WAPL: variants seen among roughly 807,000 people sequenced by gnomAD.
WAPL encodes WAPL cohesin release factor.
WAPL carries 5 observed loss-of-function variants against 121.0 expected under a neutral mutation model. The observed-to-expected ratio is 0.04, with a 90% CI of 0.02 to 0.09. The LOEUF (loss-of-function observed/expected upper bound fraction) is 0.09, where lower values mean the gene tolerates loss of function less well. WAPL is among the 10% of genes least tolerant of loss of function. WAPL has a pLI of 1.00. For synonymous variants in WAPL, 480 were observed against 481.5 expected (o/e 1.00, Z 0.04); for missense variants, 999 against 1,410.8 (o/e 0.71, Z 4.68).
chr10:86,453,914 T>C, intron 12 of WAPL, 83 bp from the exon 13 acceptor site: 1 of 1,187,362 alleles, frequency 8.4e-7, no homozygotes, highest in Non-Finnish European at 1.1e-6. Flanking sequence ...ACCTAAAGGC[T>C]ATCGGATGAA....
intron 12 of WAPL, among the ~76,000 whole-genome samples, chr10:86,455,954 C>G (rs148789152): frequency 2.6e-5 from 4 of 152,108 alleles, no homozygotes; most frequent in African/African-American, 9.7e-5. Context: ...GACTCTTTAT[C>G]AGAACTATGA....
intron 2 of WAPL, among the ~76,000 whole-genome samples, chr10:86,506,784 T>G (rs535642349): frequency 2.0e-3 from 303 of 151,996 alleles, no homozygotes; most frequent in African/African-American, 6.7e-3. Context: ...AGAAAGACCT[T>G]GTTTCTAAAA....
chr10:86,449,149 T>A (rs1472561450), intron 15 of WAPL, among the ~76,000 whole-genome samples: 1 of 152,188 alleles, frequency 6.6e-6, no homozygotes, highest in Non-Finnish European at 1.5e-5. Context: ...ATGTCAGTAA[T>A]CAGAACTACC....
chr10:86,462,484 C>T (rs905155925), intron 9 of WAPL, among the ~76,000 whole-genome samples: 2 of 152,026 alleles, frequency 1.3e-5, no homozygotes, highest in African/African-American at 4.8e-5. Context: ...CTTTGGGAGG[C>T]CGAGGCGGGC....
chr10:86,455,589 C>G (rs1464874290), intron 12 of WAPL, among the ~76,000 whole-genome samples: 1 of 150,068 alleles, frequency 6.7e-6, no homozygotes, highest in Non-Finnish European at 1.5e-5. Context: ...GACCCTTGTT[C>G]ACATGTTTAT....
intron 9 of WAPL, 152 bp from the exon 10 acceptor site, chr10:86,461,439 C>A: frequency 1.7e-6 from 1 of 604,786 alleles, no homozygotes; most frequent in Non-Finnish European, 2.8e-6. Context: ...TCAGAATAGT[C>A]CACATTGAAC....
Position 86,437,559 on chromosome 10 carries a change from T to C in WAPL, c.3557A>G (p.Tyr1186Cys). Residue 1186 changes from tyrosine (Y) to cysteine (C), a missense_variant, in exon 19 of 19, where the codon TAT becomes TGT. Physicochemically the swap from Tyr to Cys is radical, Grantham distance 194. Transcript: ENST00000298767. ...GQKSISRVIE[Y>C]LEHC Reference sequence around the variant, plus strand: ...GTAAAGCAGCTAGCAATGTTCCAAATATTCAATCACTCTAGAGATAGATTT... The same window carrying C: ...GTAAAGCAGCTAGCAATGTTCCAAACATTCAATCACTCTAGAGATAGATTT... 1 of 1,614,010 alleles carries C rather than the reference T, an allele frequency of 6.2e-7. No homozygotes were observed. The highest frequency in any genetic ancestry group is 8.5e-7 in the Non-Finnish European group (1 of 1,179,988).
At chr10:86,491,307 T>C (rs954932477) in intron 4 of WAPL, among the ~76,000 whole-genome samples, 8 of 151,406 alleles carry the variant, frequency 5.3e-5, no homozygotes, top group African/African-American at 1.7e-4. Context: ...ACATGGCTAA[T>C]TTTTTGTGTT....
In WAPL at chr10:86,497,229, G is replaced by A. The variant is rs1432966545; in HGVS notation, c.1616C>T (p.Thr539Ile). 4 of 1,612,562 alleles carry A rather than the reference G, an allele frequency of 2.5e-6. No homozygotes were observed. The highest frequency in any genetic ancestry group is 1.3e-5 in the African/African-American group (1 of 74,754). The change falls in exon 4 of 19, where the codon ACC becomes ATC. Residue 539 changes from threonine to isoleucine, a missense_variant. Thr to Ile is a moderately conservative substitution (Grantham distance 89). This residue lies in a region of WAPL where 74 missense variants were observed against 115.1 expected (regional missense o/e 0.64). Transcript: ENST00000298767. ...TTTGGGGCCACTAAAAATCTTTCTG[G>A]TATTTTCCTTTGATTTATCTCCTTG... is the stretch of plus-strand genomic sequence containing the variant. ...NKQGDKSKENTRKIFSGPKRS... is the reference protein window; with the variant it reads ...NKQGDKSKENIRKIFSGPKRS...
In WAPL at chr10:86,453,205, GTCATT is replaced by G. The variant is rs760226059; in HGVS notation, c.2949+10_2949+14del. ...AGATATGATACTCATTTCTGAAAAA[GTCATT>G]TCAACTTACCAGCACTCGAATATCA... On this transcript the variant is annotated intron_variant, in intron 14 of 18. Transcript: ENST00000298767. 2 of 1,612,602 alleles carry G rather than the reference GTCATT, an allele frequency of 1.2e-6. No individual in the cohort carries two copies. Among genetic ancestry groups the G allele is most frequent in the Admixed American group, 1.7e-5 (1 of 59,976 alleles).
At position 86,521,776 on chromosome 10, in the gene WAPL, G is replaced by A. The variant is rs1283489510; in HGVS notation, c.-434C>T. 1 of 438,552 alleles carries A rather than the reference G, an allele frequency of 2.3e-6. No individual in the cohort carries two copies. The highest frequency in any genetic ancestry group is 4.7e-6 in the Non-Finnish European group (1 of 212,940). The allele number at this position is 438,552 out of a possible 1,614,324, so 27.2% of individuals were successfully genotyped here. A position where few individuals can be genotyped will look rare whatever the true frequency, so the allele number is the denominator to read the frequency against. On this transcript the variant is annotated 5_prime_UTR_variant, in exon 1 of 19. Coordinates refer to ENST00000298767, the MANE Select transcript of WAPL (RefSeq NM_015045.5). ...CGGCCCCCACCTCCTTCCTCCAACA[G>A]CCGCTCGCTCCGTCACTCCGCTTCC...
In WAPL at chr10:86,455,939, G is replaced by C. The variant is rs113290139; in HGVS notation, c.2658-2108C>G. On this transcript the variant is annotated intron_variant, in intron 12 of 18. Coordinates refer to ENST00000298767, the MANE Select transcript of WAPL (RefSeq NM_015045.5). ...TTTTCTAAATGGTGAAACAGGTATT[G>C]AAATGACTCTTTATCAGAACTATGA... Among the ~76,000 whole-genome samples, 1,062 of 152,230 alleles carry C rather than the reference G, an allele frequency of 7.0e-3. 14 individuals carry two copies. Among genetic ancestry groups the C allele is most frequent in the African/African-American group, 0.024 (1,012 of 41,536 alleles).
chr10:86,448,916 C>G (rs1447304779), intron 15 of WAPL, among the ~76,000 whole-genome samples: 1 of 152,250 alleles, frequency 6.6e-6, no homozygotes, highest in Admixed American at 6.5e-5. Context: ...GCCACCATGT[C>G]TGGCCTGCAC....
At position 86,517,122 on chromosome 10, in the gene WAPL, T is replaced by C. The variant is rs577448160; in HGVS notation, c.499+449A>G. Among the ~76,000 whole-genome samples, 24 of 152,290 alleles carry C rather than the reference T, an allele frequency of 1.6e-4. No individual in the cohort carries two copies. In the Middle Eastern group the frequency reaches 0.01, roughly 65 times the overall value. On this transcript the variant is annotated intron_variant, in intron 2 of 18. Transcript: ENST00000298767. Reference sequence around the variant, plus strand: ...TCAATTTGGAATCAAGTTCAATTCTTTAAATGTCTCCACTCAATACCCCCT... The same window carrying C: ...TCAATTTGGAATCAAGTTCAATTCTCTAAATGTCTCCACTCAATACCCCCT...
intron 12 of WAPL, among the ~76,000 whole-genome samples, chr10:86,455,072 GCA>G (rs1564565930): frequency 2.0e-5 from 3 of 147,924 alleles, no homozygotes; most frequent in South Asian, 2.2e-4. Flanking sequence ...GAGGTGGGGG[GCA>G]GCCCCCGCCC....
chr10:86,453,020 A>G (rs1841029824), intron 14 of WAPL, among the ~76,000 whole-genome samples, 200 bp downstream of exon 14: 1 of 1,258 alleles, frequency 7.9e-4, no homozygotes, highest in Non-Finnish European at 2.7e-3. Context: ...CATCTCCCAA[A>G]AAAAAAAAAA....
chr10:86,507,602 T>C (rs1348695320), intron 2 of WAPL, among the ~76,000 whole-genome samples: 1 of 152,074 alleles, frequency 6.6e-6, no homozygotes, highest in Non-Finnish European at 1.5e-5. Flanking sequence ...TAACCTTATC[T>C]CATCATCAAC....
At chr10:86,478,765 T>C (rs988637328) in intron 4 of WAPL, among the ~76,000 whole-genome samples, 1 of 152,180 alleles carries the variant, frequency 6.6e-6, no homozygotes, top group East Asian at 1.9e-4. Flanking sequence ...ACAAAGGTTG[T>C]TGTTAACAGA....
chr10:86,491,628 G>A (rs1842050638), intron 4 of WAPL, among the ~76,000 whole-genome samples: 1 of 151,696 alleles, frequency 6.6e-6, no homozygotes, highest in African/African-American at 2.4e-5. Flanking sequence ...CCATCTTATT[G>A]TACAGAAGGC....
Sources: gnomAD v4.1 joint callset for allele counts (sites outside exome capture counted in the v4.1 genomes callset) on GRCh38, gnomAD v4.1.1 for gene constraint, gnomAD v4.1.1 regional missense constraint, MANE v1.5 for transcripts, NCBI Gene and HGNC (gene_info 2026-07-23, HGNC 2026-07-21) for gene names.